Variants in DIXDC1 observed in about 807,000 individuals in gnomAD.
DIXDC1 encodes the protein DIX domain containing 1, also known as dixin.
In DIXDC1, 64 loss-of-function variants were observed where a neutral mutation model predicts 103.1. That is an observed-to-expected ratio of 0.62 (90% CI 0.51 to 0.76). The LOEUF is 0.76. Ranked by LOEUF, DIXDC1 falls within the 30% of genes least tolerant of loss-of-function variation. The pLI, the probability that DIXDC1 is intolerant of heterozygous loss-of-function variation, is 0.00. For missense variants in DIXDC1, 759 were observed against 834.2 expected, an observed-to-expected ratio of 0.91 and a Z score of 1.11; for synonymous variants, 266 against 298.5, an observed-to-expected ratio of 0.89 and a Z score of 1.12.
intron 10 of DIXDC1, among the ~76,000 whole-genome samples, chr11:111,991,434 T>TA (rs1432402937): frequency 1.3e-5 from 2 of 152,256 alleles, no homozygotes; most frequent in African/African-American, 4.8e-5. Context: ...AAGGGCATCT[T>TA]AGACTTCCTT....
chr11:111,947,763 C>T lies in DIXDC1; in HGVS notation c.60+10204C>T, dbSNP rs118056815. Among the ~76,000 whole-genome samples, 23 of 152,342 alleles carry T rather than the reference C, an allele frequency of 1.5e-4. No individual in the cohort carries two copies. The East Asian group carries it at 4.4e-3, about 29-fold the overall frequency. ...GCTGTTAGATGCCATTGAACAGATT[C>T]ACGTCAGCATGCAAACATAGTGATG... is the stretch of plus-strand genomic sequence containing the variant. On this transcript the variant is annotated intron_variant, in intron 1 of 19. Coordinates refer to ENST00000440460, the MANE Select transcript of DIXDC1 (RefSeq NM_001037954.4).
chr11:111,982,243 A>G lies in DIXDC1; in HGVS notation c.770-96A>G, dbSNP rs989815411. 3.0e-6 allele frequency: 4 copies of G among 1,351,634 alleles called. No individual in the cohort carries two copies. The Admixed American group carries it at 7.3e-5, about 25-fold the overall frequency. 83.7% of individuals were successfully genotyped at this position (1,351,634 alleles called of 1,614,324 possible). On this transcript the variant is annotated intron_variant, in intron 6 of 19. Coordinates refer to ENST00000440460, the MANE Select transcript of DIXDC1 (RefSeq NM_001037954.4). Reference sequence around the variant, plus strand: ...TGCTATGAGAACAGGTTCAGAACGCAGGTGACCTGAACCTGTGAACGCTAC... The same window carrying G: ...TGCTATGAGAACAGGTTCAGAACGCGGGTGACCTGAACCTGTGAACGCTAC...
intron 17 of DIXDC1, among the ~76,000 whole-genome samples, chr11:112,001,588 G>A (rs1013394522): frequency 2.0e-5 from 3 of 152,146 alleles, no homozygotes; most frequent in East Asian, 1.9e-4. Flanking sequence ...CTAAAAAATC[G>A]TAACTTTCTT....
chr11:111,937,220 G>A, upstream of DIXDC1: 1 of 1,153,288 alleles, frequency 8.7e-7, no homozygotes, highest in Non-Finnish European at 1.1e-6. Flanking sequence ...GGAAAGCGGG[G>A]CTGGGGGCAG....
chr11:111,952,996 CCAAA>C (rs1483395934), intron 1 of DIXDC1, among the ~76,000 whole-genome samples: 1 of 151,910 alleles, frequency 6.6e-6, no homozygotes, highest in African/African-American at 2.4e-5. Context: ...TCTCCAAAAA[CCAAA>C]CAAAGAAAAA....
At chr11:111,965,056 C>T (rs987417962) in intron 2 of DIXDC1, among the ~76,000 whole-genome samples, 4 of 152,026 alleles carry the variant, frequency 2.6e-5, no homozygotes, top group Non-Finnish European at 5.9e-5. Context: ...GATTGGCTTA[C>T]CAGAACTGAT....
chr11:112,008,966 C>T (rs2137625714), intron 17 of DIXDC1, among the ~76,000 whole-genome samples: 1 of 152,116 alleles, frequency 6.6e-6, no homozygotes, highest in East Asian at 1.9e-4. Context: ...TGGAGCAGAA[C>T]TGAAGGAGAT....
At chr11:111,989,601 G>C (rs1555174294) in intron 10 of DIXDC1, among the ~76,000 whole-genome samples, 1 of 147,878 alleles carries the variant, frequency 6.8e-6, no homozygotes, top group Non-Finnish European at 1.5e-5. Context: ...TCCAGCCTAG[G>C]TGACAGGGTG....
intron 1 of DIXDC1, among the ~76,000 whole-genome samples, chr11:111,953,676 A>G (rs587765002): frequency 4.7e-4 from 72 of 152,278 alleles, no homozygotes; most frequent in African/African-American, 1.7e-3. Flanking sequence ...TTTGGGGCTA[A>G]CCAAAAATGA....
intron 17 of DIXDC1, among the ~76,000 whole-genome samples, chr11:112,000,219 A>AAGAACACT (rs1861024561): frequency 6.6e-6 from 1 of 152,288 alleles, no homozygotes; most frequent in South Asian, 2.1e-4. Context: ...TTGTGTATAA[A>AAGAACACT]AGAACACTAT....
rs144939747 is a variant in DIXDC1, at chr11:112,011,801, C to T, written c.1757-4890C>T. ...GGGAACATCACACACTGGAGCCTGT[C>T]GTGGAGGGGGGGACGGGGGGAGGGA... On this transcript the variant is annotated intron_variant, in intron 17 of 19. Coordinates refer to ENST00000440460, the MANE Select transcript of DIXDC1 (RefSeq NM_001037954.4). Among the ~76,000 whole-genome samples the T allele has an allele frequency of 7.0e-3, 967 of 138,086 alleles. 38 individuals carry two copies. Among genetic ancestry groups the T allele is most frequent in the Admixed American group, 0.064 (839 of 13,210 alleles). The allele number at this position is 138,086 out of a possible 152,430, so 90.6% of individuals were successfully genotyped here.
chr11:111,943,487 CTTTTTTTTTTT>C (rs1161024928), intron 1 of DIXDC1, among the ~76,000 whole-genome samples: 1 of 113,432 alleles, frequency 8.8e-6, no homozygotes, highest in Non-Finnish European at 1.7e-5. Flanking sequence ...TTCTTTCTCT[CTTTTTTTTTTT>C]TTTTTTTTTT....
At chr11:111,962,972 C>T (rs1302790585) in intron 1 of DIXDC1, among the ~76,000 whole-genome samples, 2 of 152,144 alleles carry the variant, frequency 1.3e-5, no homozygotes, top group Non-Finnish European at 2.9e-5. Context: ...GAAGGTGCAG[C>T]CATTTCTGTT....
chr11:111,942,422 A>T (rs1966451398), intron 1 of DIXDC1, among the ~76,000 whole-genome samples: 1 of 152,148 alleles, frequency 6.6e-6, no homozygotes, highest in African/African-American at 2.4e-5. Flanking sequence ...TCCTGAATGC[A>T]TTTTCTTGTT....
chr11:111,928,037 A>G (rs1040096660), intron 1 of DIXDC1, among the ~76,000 whole-genome samples: 1 of 151,478 alleles, frequency 6.6e-6, no homozygotes, highest in Non-Finnish European at 1.5e-5. Context: ...AAAAAAAAAA[A>G]ATAGTATTAG....
chr11:112,012,238 G>A (rs1381327096), intron 17 of DIXDC1, among the ~76,000 whole-genome samples: 2 of 152,170 alleles, frequency 1.3e-5, no homozygotes, highest in African/African-American at 4.8e-5. Context: ...AAGGGGACTA[G>A]AATTAACTGC....
rs1859446134 is a variant in DIXDC1 at position 111,958,056 on chromosome 11, G to C, written c.61-6493G>C. 6.6e-6 allele frequency among the ~76,000 whole-genome samples: 1 copy of C among 152,000 alleles called. No individual in the cohort carries two copies. Among genetic ancestry groups the C allele is most frequent in the Non-Finnish European group, 1.5e-5 (1 of 67,970 alleles). On this transcript the variant is annotated intron_variant, in intron 1 of 19. Coordinates refer to ENST00000440460, the MANE Select transcript of DIXDC1 (RefSeq NM_001037954.4). The surrounding 1 kb of genome is among the most constrained non-coding windows in gnomAD (Gnocchi z 4.2). ...GCTGTCCAGCTGTAGCTGCAGACCT[G>C]GGCATCCCTGTGCTCTTGGGGGCCA...
chr11:111,988,122 C>T (rs1860561108), intron 9 of DIXDC1, among the ~76,000 whole-genome samples: 1 of 152,120 alleles, frequency 6.6e-6, no homozygotes, highest in African/African-American at 2.4e-5. Context: ...CCTCAGCCTC[C>T]CTAGTAGCTG....
chr11:111,993,497 A>G lies in DIXDC1; in HGVS notation c.1274A>G (p.Lys425Arg). Residue 425 changes from lysine to arginine, a missense_variant and splice_region_variant, in exon 13 of 20, where the codon AAA becomes AGA. Transcript: ENST00000440460. ...CTTAAAGCTCTATCTTTATTGCAGA[A>G]AGAGCTGGGGCAGAAGGATCGCCTT... ...ERNRLLGEYK[K>R]ELGQKDRLLQ... The G allele has an allele frequency of 1.2e-6, 2 of 1,614,010 alleles. No homozygotes were observed. The highest frequency in any genetic ancestry group is 1.7e-6 in the Non-Finnish European group (2 of 1,179,882).
Sources: allele counts gnomAD v4.1 joint callset (sites outside exome capture counted in the v4.1 genomes callset), GRCh38; gene constraint gnomAD v4.1.1; non-coding constraint Gnocchi (gnomAD v3.1); transcripts MANE v1.5; gene names NCBI Gene and HGNC (gene_info 2026-07-23, HGNC 2026-07-21).